The following NEK10 variants were observed in gnomAD, a reference collection of about 807,000 sequenced individuals.
NEK10 encodes NIMA related kinase 10.
A neutral mutation model predicts 159.8 loss-of-function variants in NEK10; 122 were observed. That is an observed-to-expected ratio of 0.76 (90% CI 0.66 to 0.89). NEK10 has a LOEUF of 0.89. NEK10 is among the 40% of genes least tolerant of loss of function. The pLI is 0.00. For missense variants in NEK10, 1,342 were observed against 1,323.1 expected (o/e 1.01, Z -0.22); for synonymous variants, 466 against 457.1 (o/e 1.02, Z -0.25).
intron 1 of NEK10, among the ~76,000 whole-genome samples, chr3:27,358,471 C>T (rs2048466606): frequency 6.6e-6 from 1 of 152,118 alleles, no homozygotes; most frequent in African/African-American, 2.4e-5. Flanking sequence ...TAATTTCTAT[C>T]CTCTATTGTT....
chr3:27,275,850 AG>A (rs1194369205), intron 22 of NEK10, among the ~76,000 whole-genome samples: 1 of 152,232 alleles, frequency 6.6e-6, no homozygotes, highest in African/African-American at 2.4e-5. Context: ...CTGGCAATAC[AG>A]GGTAGGTCCA....
intron 14 of NEK10, 76 bp downstream of exon 14, chr3:27,297,103 G>A (rs1431595772): frequency 1.2e-6 from 1 of 864,592 alleles, no homozygotes; most frequent in Non-Finnish European, 1.9e-6. Flanking sequence ...CTATGTTCTG[G>A]GATACAGACT....
chr3:27,221,033 T>C lies in NEK10; in HGVS notation c.2091-18476A>G, dbSNP rs147390596. 8.3e-3 allele frequency among the ~76,000 whole-genome samples: 1,257 copies of C among 152,298 alleles called. 17 individuals carry two copies. The highest frequency in any genetic ancestry group is 0.028 in the African/African-American group (1,153 of 41,564). The stretch of plus-strand genomic sequence containing the variant: ...GCAAAAATTAATGCTAAATGAGTCA[T>C]AGACCTATATATAAGAATTAGAACT... On this transcript the variant is annotated intron_variant, in intron 23 of 35. Transcript: ENST00000691995.
intron 31 of NEK10, among the ~76,000 whole-genome samples, chr3:27,136,774 C>G (rs1271291172): frequency 6.6e-6 from 1 of 152,160 alleles, no homozygotes; most frequent in Non-Finnish European, 1.5e-5. Context: ...ATGATTTTCA[C>G]TGATCTGTCT....
chr3:27,278,216 A>G (rs1389760004), intron 22 of NEK10, among the ~76,000 whole-genome samples: 1 of 152,226 alleles, frequency 6.6e-6, no homozygotes, highest in Non-Finnish European at 1.5e-5. Flanking sequence ...GCTGTTGAGA[A>G]TTTCAGGTTA....
chr3:27,269,171 G>A (rs769123816), intron 22 of NEK10, among the ~76,000 whole-genome samples: 7 of 152,168 alleles, frequency 4.6e-5, no homozygotes, highest in Admixed American at 2.6e-4. Context: ...CCACTCCTGG[G>A]AAAGATGCTG....
chr3:27,249,044 G>A (rs1411731834), intron 23 of NEK10, among the ~76,000 whole-genome samples: 1 of 152,168 alleles, frequency 6.6e-6, no homozygotes, highest in Non-Finnish European at 1.5e-5. Flanking sequence ...CACATGTCAA[G>A]GGAGAGACCA....
At chr3:27,284,799 A>T (rs2042455697) in intron 21 of NEK10, 41 bp downstream of exon 21, 1 of 1,555,068 alleles carries the variant, frequency 6.4e-7, no homozygotes, top group South Asian at 1.1e-5. Context: ...AGCTCAGAAC[A>T]TTACTGTTTT....
chr3:27,211,294 G>A (rs1312457258), intron 23 of NEK10, among the ~76,000 whole-genome samples: 2 of 152,066 alleles, frequency 1.3e-5, no homozygotes, highest in Non-Finnish European at 2.9e-5. Flanking sequence ...ATGCAAAGTG[G>A]CATTATTATT....
chr3:27,330,037 G>C (rs2046286748), intron 5 of NEK10, among the ~76,000 whole-genome samples: 1 of 125,778 alleles, frequency 8.0e-6, no homozygotes, highest in Non-Finnish European at 1.9e-5. Context: ...TAAATGCTAT[G>C]TAAGTACTTT....
Position 27,290,746 on chromosome 3 carries a change from C to A in NEK10, c.1614G>T (p.Lys538Asn), listed in dbSNP as rs1232068956. Residue 538 changes from lysine (K) to asparagine (N), a missense_variant, in exon 19 of 36, where the codon AAG becomes AAT. Coordinates refer to ENST00000691995, the MANE Select transcript of NEK10 (RefSeq NM_001394966.1). ...GAFGCVYKVR[K>N]HSGQNLLAMK... is the part of the protein sequence containing the mutation. ...TTGCTAAAAGATTTTGACCACTATGCTTTCTAACCTAAAATAAAGAAAAAC... is the reference window on the plus strand; with the variant it reads ...TTGCTAAAAGATTTTGACCACTATGATTTCTAACCTAAAATAAAGAAAAAC... The A allele has an allele frequency of 6.3e-7, 1 of 1,596,730 alleles. No homozygotes were observed. Among genetic ancestry groups the A allele is most frequent in the Non-Finnish European group, 8.5e-7 (1 of 1,172,824 alleles).
chr3:27,236,797 G>A (rs763992777), intron 23 of NEK10, among the ~76,000 whole-genome samples: 1 of 152,108 alleles, frequency 6.6e-6, no homozygotes, highest in Non-Finnish European at 1.5e-5. Flanking sequence ...TTACTGATGA[G>A]GTTCTATGTT....
At chr3:27,283,557 C>T (rs956085277) in intron 22 of NEK10, among the ~76,000 whole-genome samples, 3 of 151,958 alleles carry the variant, frequency 2.0e-5, no homozygotes, top group African/African-American at 7.3e-5. Context: ...AAGGTGTCTC[C>T]CTAATTGTAG....
chr3:27,175,712 G>A lies in NEK10; in HGVS notation c.2506-879C>T, dbSNP rs770500410. On this transcript the variant is annotated intron_variant, in intron 26 of 35. Transcript: ENST00000691995. ...GCGTGAAGAGCCTTTTTAGGCCGTG[G>A]GGCTAAACAGTGCTGGCAAAGTAAA... Among the ~76,000 whole-genome samples the A allele has an allele frequency of 7.3e-4, 111 of 152,248 alleles. 1 individual carries two copies. Among genetic ancestry groups the A allele is most frequent in the South Asian group, 2.5e-3 (12 of 4,820 alleles).
intron 23 of NEK10, among the ~76,000 whole-genome samples, chr3:27,254,313 C>T (rs1237370700): frequency 6.6e-6 from 1 of 152,140 alleles, no homozygotes; most frequent in African/African-American, 2.4e-5. Context: ...CTGCTTTACA[C>T]TATATCCCAG....
intron 1 of NEK10, among the ~76,000 whole-genome samples, chr3:27,365,335 G>C (rs906306198): frequency 2.3e-4 from 35 of 152,118 alleles, no homozygotes; most frequent in African/African-American, 8.4e-4. Flanking sequence ...CCAGTCAATT[G>C]TCATTTTGTC....
At chr3:27,363,556 A>T in intron 1 of NEK10, 1 of 152,220 alleles carries the variant, frequency 6.6e-6, no homozygotes, top group Non-Finnish European at 1.5e-5. Flanking sequence ...AAAGAACAGC[A>T]AATAAGTTTG....
chr3:27,236,512 A>G (rs1258343881), intron 23 of NEK10, among the ~76,000 whole-genome samples: 4 of 152,108 alleles, frequency 2.6e-5, no homozygotes, highest in Non-Finnish European at 5.9e-5. Flanking sequence ...TGTAGGTTCT[A>G]TTTTCCCTAA....
chr3:27,205,378 A>G (rs1950455736), intron 23 of NEK10, among the ~76,000 whole-genome samples: 2 of 130,260 alleles, frequency 1.5e-5, no homozygotes, highest in Admixed American at 8.3e-5. Context: ...ATATGGAACC[A>G]AAAAAGAGCC....
Sources: allele counts gnomAD v4.1 joint callset (sites outside exome capture counted in the v4.1 genomes callset), GRCh38; gene constraint gnomAD v4.1.1; transcripts MANE v1.5; gene names NCBI Gene and HGNC (gene_info 2026-07-23, HGNC 2026-07-21).